UQCC1: variants seen among roughly 807,000 people sequenced by gnomAD.
The protein encoded by UQCC1 is bFGF-repressed Zic-binding protein.
In UQCC1, 38 loss-of-function variants were observed where a neutral mutation model predicts 48.0. The ratio of observed to expected loss-of-function variants is 0.79; its 90% CI spans 0.61 to 1.04. The LOEUF (loss-of-function observed/expected upper bound fraction) is 1.04, where lower values mean the gene tolerates loss of function less well. UQCC1 is among the 50% of genes least tolerant of loss of function. The probability of loss-of-function intolerance (pLI) is 0.00; values close to 1 mark genes in which losing one functional copy is unlikely to be tolerated. For missense variants in UQCC1, 368 were observed against 381.8 expected, an observed-to-expected ratio of 0.96 and a Z score of 0.30; for synonymous variants, 111 against 129.2, an observed-to-expected ratio of 0.86 and a Z score of 0.95.
At chr20:35,395,335 C>T (rs968103689) in intron 1 of UQCC1, among the ~76,000 whole-genome samples, 8 of 151,994 alleles carry the variant, frequency 5.3e-5, no homozygotes, top group African/African-American at 1.7e-4. Flanking sequence ...AACTCACTGC[C>T]GGTCATAGCA....
Position 35,411,966 on chromosome 20 carries a change from T to C in UQCC1, c.-3A>G, listed in dbSNP as rs1337084929. 2 of 1,614,106 alleles carry C rather than the reference T, an allele frequency of 1.2e-6. No individual in the cohort carries two copies. Among genetic ancestry groups the C allele is most frequent in the Non-Finnish European group, 1.7e-6 (2 of 1,180,040 alleles). ...AGGACTCGCACCAGCAACGCCATGT[T>C]CCTCAATAACCATTTCCGGGTGAAG... On this transcript the variant is annotated 5_prime_UTR_variant, in exon 1 of 10. Coordinates refer to ENST00000374385, the MANE Select transcript of UQCC1 (RefSeq NM_018244.5).
At chr20:35,359,481 T>C (rs2061582135) in intron 6 of UQCC1, among the ~76,000 whole-genome samples, 1 of 152,198 alleles carries the variant, frequency 6.6e-6, no homozygotes. Flanking sequence ...TCAGCCTAAA[T>C]CTGGGAGGGA....
chr20:35,346,888 T>A (rs1224838678), intron 7 of UQCC1: 1 of 1,099,386 alleles, frequency 9.1e-7, no homozygotes, highest in Non-Finnish European at 1.3e-6. Flanking sequence ...ACCAAATCCA[T>A]CCCTCCTATC....
chr20:35,347,186 T>C lies in UQCC1; in HGVS notation c.551A>G (p.Gln184Arg), dbSNP rs140907193. The change falls in exon 7 of 10, where the codon CAG becomes CGG. Residue 184 changes from glutamine to arginine, a missense_variant. Gln to Arg is a conservative substitution (Grantham distance 43). Transcript: ENST00000374385. Reference protein sequence around the residue: ...IIVHFMWEDVQQRGRVMGVNP... With the variant: ...IIVHFMWEDVRQRGRVMGVNP... ...TACCCCCATGACTCTGCCGCGCTGCTGAACATCCTCCCACATAAAATGAAC... is the reference window on the plus strand; with the variant it reads ...TACCCCCATGACTCTGCCGCGCTGCCGAACATCCTCCCACATAAAATGAAC... 9.4e-5 allele frequency: 152 copies of C among 1,614,204 alleles called. No homozygotes were observed. The African/African-American group carries it at 1.9e-3, about 20-fold the overall frequency.
At chr20:35,374,338 A>AT (rs2061771111) in intron 4 of UQCC1, 82 bp from the exon 5 acceptor site, 1 of 1,046,322 alleles carries the variant, frequency 9.6e-7, no homozygotes, top group African/African-American at 1.6e-5. Flanking sequence ...ACAAAATCTT[A>AT]TATTTCTTCA....
intron 7 of UQCC1, among the ~76,000 whole-genome samples, chr20:35,337,229 C>T (rs886745556): frequency 3.3e-5 from 5 of 151,564 alleles, no homozygotes; most frequent in African/African-American, 1.2e-4. Flanking sequence ...TGCTCTGTCG[C>T]CCAGGCTAGA....
At chr20:35,331,263 C>A (rs865960592) in intron 7 of UQCC1, among the ~76,000 whole-genome samples, 2 of 152,220 alleles carry the variant, frequency 1.3e-5, no homozygotes, top group Middle Eastern at 3.4e-3. Context: ...GGAAAGGGGG[C>A]AACACACACA....
At position 35,392,295 on chromosome 20, in the gene UQCC1, A is replaced by G. The variant is rs1389141177; in HGVS notation, c.129+1797T>C. The G allele has an allele frequency of 1.8e-5, 24 of 1,304,264 alleles. 1 individual carries two copies. Among genetic ancestry groups the G allele is most frequent in the Non-Finnish European group, 1.8e-5 (18 of 988,854 alleles). The allele number at this position is 1,304,264 out of a possible 1,614,324, so 80.8% of individuals were successfully genotyped here. ...CAGGGGACCTCAAAGATAGGAAGAT[A>G]CTCCAGTAAGTTACAGTCGATACGA... is the stretch of plus-strand genomic sequence containing the variant. On this transcript the variant is annotated intron_variant, in intron 2 of 9. Coordinates refer to ENST00000374385, the MANE Select transcript of UQCC1 (RefSeq NM_018244.5).
At chr20:35,369,000 T>A (rs191120106) in intron 5 of UQCC1, among the ~76,000 whole-genome samples, 4 of 151,966 alleles carry the variant, frequency 2.6e-5, no homozygotes, top group African/African-American at 4.8e-5. Context: ...AAAAGAAAAA[T>A]TTTCTTGGAA....
chr20:35,397,318 A>G (rs1368315962), intron 1 of UQCC1, among the ~76,000 whole-genome samples: 2 of 151,964 alleles, frequency 1.3e-5, no homozygotes, highest in East Asian at 1.9e-4. Context: ...GATCGAGACC[A>G]TCGTGGCTAA....
At position 35,303,728 on chromosome 20, in the gene UQCC1, G is replaced by A. The variant is rs1197272026; in HGVS notation, c.*207C>T. The A allele has an allele frequency of 6.1e-6, 4 of 660,096 alleles. No individual in the cohort carries two copies. The highest frequency in any genetic ancestry group is 1.0e-5 in the Non-Finnish European group (4 of 393,268). 40.9% of individuals were successfully genotyped at this position (660,096 alleles called of 1,614,324 possible). ...CTAAGGGAGAGGACACCCCGGGAGA[G>A]CTAGGGGTTCTCCCAGCCCTGTACC... On this transcript the variant is annotated 3_prime_UTR_variant, in exon 10 of 10. Transcript: ENST00000374385.
chr20:35,307,627 G>A (rs747820187), intron 8 of UQCC1, among the ~76,000 whole-genome samples: 5 of 152,260 alleles, frequency 3.3e-5, no homozygotes, highest in Admixed American at 6.5e-5. Flanking sequence ...GTGTGGAATC[G>A]ATGTGCTGAC....
At chr20:35,360,994 A>T (rs2061599916) in intron 6 of UQCC1, among the ~76,000 whole-genome samples, 6 of 152,154 alleles carry the variant, frequency 3.9e-5, no homozygotes. Flanking sequence ...GGCCTGAGAC[A>T]ATTCCTTAAA....
intron 7 of UQCC1, among the ~76,000 whole-genome samples, chr20:35,335,113 A>G (rs2061301506): frequency 6.6e-6 from 1 of 152,194 alleles, no homozygotes; most frequent in Admixed American, 6.5e-5. Context: ...TATAACTAAC[A>G]CATATCTAAT....
At chr20:35,392,198 C>T (rs540719229) in intron 2 of UQCC1, 5 of 1,291,368 alleles carry the variant, frequency 3.9e-6, no homozygotes, top group Non-Finnish European at 4.1e-6. Context: ...AACTCTTTCT[C>T]ATTCTGAGCC....
intron 7 of UQCC1, among the ~76,000 whole-genome samples, chr20:35,324,614 CCG>C (rs1226097806): frequency 3.3e-5 from 5 of 152,254 alleles, no homozygotes; most frequent in Non-Finnish European, 7.3e-5. Flanking sequence ...GCGTGAGCCA[CCG>C]CACCTGGCCG....
At position 35,390,357 on chromosome 20, in the gene UQCC1, G is replaced by C. The variant is rs1295982688; in HGVS notation, c.129+3735C>G. Among the ~76,000 whole-genome samples the C allele has an allele frequency of 3.3e-5, 5 of 151,768 alleles. No individual in the cohort carries two copies. The East Asian group carries it at 9.7e-4, about 29-fold the overall frequency. Reference sequence around the variant, plus strand: ...GAAATGCTTGAACCTGGGAGGCGGAGGTTGCAGTGAGCTGAGATTGCACCA... The same window carrying C: ...GAAATGCTTGAACCTGGGAGGCGGACGTTGCAGTGAGCTGAGATTGCACCA... On this transcript the variant is annotated intron_variant, in intron 2 of 9. Transcript: ENST00000374385.
At chr20:35,353,017 A>G (rs575459856) in intron 6 of UQCC1, among the ~76,000 whole-genome samples, 4 of 152,304 alleles carry the variant, frequency 2.6e-5, no homozygotes, top group African/African-American at 9.6e-5. Flanking sequence ...TAAAAGTAGA[A>G]TAAAATTTAA....
intron 7 of UQCC1, chr20:35,344,745 A>G (rs1338612250): frequency 6.6e-6 from 1 of 152,204 alleles, no homozygotes; most frequent in Non-Finnish European, 1.5e-5. Flanking sequence ...CTGGCATACA[A>G]CTCCTAAAAT....
Sources: allele counts gnomAD v4.1 joint callset (sites outside exome capture counted in the v4.1 genomes callset), GRCh38; gene constraint gnomAD v4.1.1; transcripts MANE v1.5; gene names NCBI Gene and HGNC (gene_info 2026-07-23, HGNC 2026-07-21).